The following KCNJ6 variants were observed in gnomAD, a reference collection of about 807,000 sequenced individuals.
KCNJ6 encodes the protein G protein-activated inward rectifier potassium channel 2.
KCNJ6 carries 9 observed loss-of-function variants against 34.2 expected under a neutral mutation model. The observed-to-expected ratio is 0.26, with a 90% CI of 0.16 to 0.46. The LOEUF is 0.46. Ranked by LOEUF, KCNJ6 falls within the 20% of genes least tolerant of loss-of-function variation. The pLI, the probability that KCNJ6 is intolerant of heterozygous loss-of-function variation, is 1.00. For synonymous variants in KCNJ6, 196 were observed against 207.1 expected (o/e 0.95, Z 0.46); for missense variants, 236 against 531.3 (o/e 0.44, Z 5.46).
chr21:37,907,841 A>G (rs1180649504), intron 1 of KCNJ6, among the ~76,000 whole-genome samples: 1 of 152,234 alleles, frequency 6.6e-6, no homozygotes, highest in Non-Finnish European at 1.5e-5. Context: ...GGACTCAGGT[A>G]CTGTCCTGCC....
At chr21:37,764,771 C>G (rs2055082993) in intron 2 of KCNJ6, among the ~76,000 whole-genome samples, 1 of 152,196 alleles carries the variant, frequency 6.6e-6, no homozygotes, top group African/African-American at 2.4e-5. Context: ...TTTGGTCATC[C>G]CGTGATCTTA....
chr21:37,716,906 C>T (rs563827653), intron 2 of KCNJ6, among the ~76,000 whole-genome samples: 6 of 151,572 alleles, frequency 4.0e-5, no homozygotes, highest in Admixed American at 2.0e-4. Context: ...AATTCTGTGT[C>T]GTTTGACTCT....
chr21:37,709,902 G>C lies in KCNJ6; in HGVS notation c.946+4309C>G, dbSNP rs564419519. On this transcript the variant is annotated intron_variant, in intron 3 of 3. Transcript: ENST00000609713. ...CTTCACCTATTTCCAGTGAACACTGGCTGTCCTCCTTGTTAACTCCCAGAT... is the reference window on the plus strand; with the variant it reads ...CTTCACCTATTTCCAGTGAACACTGCCTGTCCTCCTTGTTAACTCCCAGAT... Among the ~76,000 whole-genome samples the C allele has an allele frequency of 1.6e-4, 25 of 152,290 alleles. No homozygotes were observed. In the South Asian group the frequency reaches 3.7e-3, roughly 23 times the overall value.
At chr21:37,704,175 C>T (rs1025266838) in intron 3 of KCNJ6, among the ~76,000 whole-genome samples, 1 of 152,206 alleles carries the variant, frequency 6.6e-6, no homozygotes, top group Non-Finnish European at 1.5e-5. Context: ...CTGGAGGGAC[C>T]AGGAAAGTGC....
At chr21:37,758,135 T>C (rs2055040578) in intron 2 of KCNJ6, among the ~76,000 whole-genome samples, 1 of 150,768 alleles carries the variant, frequency 6.6e-6, no homozygotes, top group Non-Finnish European at 1.5e-5. Flanking sequence ...CTTTCCTCTT[T>C]GTGCTCCTAG....
At chr21:37,763,658 A>C (rs2055077110) in intron 2 of KCNJ6, among the ~76,000 whole-genome samples, 1 of 152,162 alleles carries the variant, frequency 6.6e-6, no homozygotes, top group Non-Finnish European at 1.5e-5. Context: ...TGTGTTCTAG[A>C]TACATGGCTG....
intron 3 of KCNJ6, among the ~76,000 whole-genome samples, chr21:37,697,365 G>A (rs769519290): frequency 1.3e-5 from 2 of 152,172 alleles, no homozygotes; most frequent in African/African-American, 2.4e-5. Flanking sequence ...TCGATTGGCT[G>A]GGGGAAAGGA....
At chr21:37,819,765 C>G (rs993832113) in intron 2 of KCNJ6, among the ~76,000 whole-genome samples, 4 of 150,882 alleles carry the variant, frequency 2.7e-5, no homozygotes, top group Non-Finnish European at 4.4e-5. Context: ...GACTTCATGG[C>G]TATCACATTG....
At position 37,614,748 on chromosome 21, in the gene KCNJ6, G is replaced by A. The variant is rs1405416154; in HGVS notation, c.*10411C>T. ...CGTGTGTGTGTATGCGCATGTCTCT[G>A]TATGTGTGTGTATGCATGTGTCTGT... On this transcript the variant is annotated 3_prime_UTR_variant, in exon 4 of 4. Transcript: ENST00000609713. 1 of 130,050 alleles carries A rather than the reference G, an allele frequency of 7.7e-6. No individual in the cohort carries two copies. Among genetic ancestry groups the A allele is most frequent in the Non-Finnish European group, 1.8e-5 (1 of 56,932 alleles). 8.1% of individuals were successfully genotyped at this position (130,050 alleles called of 1,614,324 possible).
Position 37,805,139 on chromosome 21 carries a change from A to G in KCNJ6, c.25+35519T>C, listed in dbSNP as rs114241735. On this transcript the variant is annotated intron_variant, in intron 2 of 3. Transcript: ENST00000609713. Reference sequence around the variant, plus strand: ...GCAGGTGGAATGACTGCTAATAAAGACAGAGTTTCTTTTTGGGGTGATAGA... The same window carrying G: ...GCAGGTGGAATGACTGCTAATAAAGGCAGAGTTTCTTTTTGGGGTGATAGA... Among the ~76,000 whole-genome samples the G allele has an allele frequency of 8.1e-3, 1,227 of 152,256 alleles. 17 individuals carry two copies. The highest frequency in any genetic ancestry group is 0.028 in the African/African-American group (1,166 of 41,542).
chr21:37,744,729 C>T (rs2054958574), intron 2 of KCNJ6, among the ~76,000 whole-genome samples: 1 of 152,048 alleles, frequency 6.6e-6, no homozygotes, highest in Admixed American at 6.6e-5. Context: ...AGTCTAGAGA[C>T]CAGGCTTATT....
intron 2 of KCNJ6, among the ~76,000 whole-genome samples, chr21:37,789,478 C>G (rs576493071): frequency 3.3e-5 from 5 of 152,298 alleles, no homozygotes; most frequent in African/African-American, 1.2e-4. Flanking sequence ...TATGCTGGCA[C>G]CATGATCTTG....
intron 3 of KCNJ6, among the ~76,000 whole-genome samples, chr21:37,643,001 G>C (rs1026964055): frequency 7.9e-5 from 12 of 152,156 alleles, no homozygotes; most frequent in East Asian, 3.9e-4. Flanking sequence ...TATGATTCTA[G>C]TAAAAACAGA....
intron 3 of KCNJ6, among the ~76,000 whole-genome samples, chr21:37,657,900 T>C (rs1395761907): frequency 6.6e-6 from 1 of 152,236 alleles, no homozygotes; most frequent in African/African-American, 2.4e-5. Flanking sequence ...TTTCCAGTGA[T>C]GGTTCTGCAA....
At chr21:37,891,328 C>T (rs1367980758) in intron 1 of KCNJ6, among the ~76,000 whole-genome samples, 8 of 152,032 alleles carry the variant, frequency 5.3e-5, no homozygotes, top group Non-Finnish European at 1.2e-4. Context: ...GAGACAGATA[C>T]GAACACAGAC....
chr21:37,817,420 CA>C (rs1379325881), intron 2 of KCNJ6, among the ~76,000 whole-genome samples: 1 of 152,152 alleles, frequency 6.6e-6, no homozygotes, highest in African/African-American at 2.4e-5. Context: ...AAGTGCTATG[CA>C]AATACTGACA....
At chr21:37,715,223 C>T in intron 2 of KCNJ6, 92 bp from the exon 3 acceptor site, 1 of 1,076,618 alleles carries the variant, frequency 9.3e-7, no homozygotes, top group African/African-American at 1.6e-5. Context: ...GCTGGTGAAA[C>T]CAAATACCAT....
At chr21:37,717,411 T>A (rs857960) in intron 2 of KCNJ6, among the ~76,000 whole-genome samples, 2 of 151,410 alleles carry the variant, frequency 1.3e-5, no homozygotes, top group African/African-American at 4.9e-5. Context: ...GCCATGTCCT[T>A]CTCACTGGAG....
chr21:37,758,899 G>A (rs1163504955), intron 2 of KCNJ6, among the ~76,000 whole-genome samples: 4 of 152,114 alleles, frequency 2.6e-5, no homozygotes, highest in African/African-American at 7.2e-5. Flanking sequence ...CCAAAGTGCT[G>A]GGATTACAGG....
Sources: gnomAD v4.1 joint callset for allele counts (sites outside exome capture counted in the v4.1 genomes callset) on GRCh38, gnomAD v4.1.1 for gene constraint, MANE v1.5 for transcripts, NCBI Gene and HGNC (gene_info 2026-07-23, HGNC 2026-07-21) for gene names.